SSNA1: variants seen among roughly 807,000 people sequenced by gnomAD.
The protein encoded by SSNA1 is microtubule nucleation factor SSNA1.
SSNA1 carries 13 observed loss-of-function variants against 13.3 expected under a neutral mutation model. The ratio of observed to expected loss-of-function variants is 0.97; its 90% CI spans 0.63 to 1.55. The LOEUF (loss-of-function observed/expected upper bound fraction) is 1.55, where lower values mean the gene tolerates loss of function less well. SSNA1 is among the 40% of genes most tolerant of loss of function. The pLI, the probability that SSNA1 is intolerant of heterozygous loss-of-function variation, is 0.00. For missense variants in SSNA1, 186 were observed against 152.7 expected, an observed-to-expected ratio of 1.22 and a Z score of -1.15; for synonymous variants, 89 against 65.9, an observed-to-expected ratio of 1.35 and a Z score of -1.70.
At chr9:137,189,449 G>T (rs1438770360) in intron 2 of SSNA1, among the ~76,000 whole-genome samples, 184 bp downstream of exon 2, 1 of 152,248 alleles carries the variant, frequency 6.6e-6, no homozygotes, top group Non-Finnish European at 1.5e-5. Flanking sequence ...GTGACTGTGG[G>T]GCTGTCTGTG....
chr9:137,189,886 A>G lies in SSNA1; in HGVS notation c.332A>G (p.Gln111Arg). The change falls in exon 3 of 3, where the codon CAG (glutamine) becomes CGG (arginine). Residue 111 changes from glutamine (Q) to arginine (R), a missense_variant. Gln to Arg is a conservative substitution (Grantham distance 43). Transcript: ENST00000322310. ...CTGACCAAGGCTACAGCCCCAGACC[A>G]GAAAAGTAGCGGCGGCAGGGACAGC... ...GNLTKATAPDQKSSGGRDS is the reference protein window; with the variant it reads ...GNLTKATAPDRKSSGGRDS 2 of 1,613,908 alleles carry G rather than the reference A, an allele frequency of 1.2e-6. No homozygotes were observed. The highest frequency in any genetic ancestry group is 1.6e-4 in the Middle Eastern group (1 of 6,062).
chr9:137,188,872 G>A (rs1358918008), intron 1 of SSNA1, 94 bp downstream of exon 1: 6 of 1,392,042 alleles, frequency 4.3e-6, no homozygotes, highest in Non-Finnish European at 5.6e-6. Flanking sequence ...CTCGCTGCGG[G>A]CATCGCGCGG....
At chr9:137,189,699 G>A (rs1588769250) in intron 2 of SSNA1, 108 bp from the exon 3 acceptor site, 1 of 1,012,186 alleles carries the variant, frequency 9.9e-7, no homozygotes, top group Non-Finnish European at 1.5e-6. Flanking sequence ...GGATCCCTTG[G>A]CTACAGCACC....
In SSNA1 at chr9:137,190,115, C is replaced by G. The variant is rs1834581594; in HGVS notation, c.*201C>G. On this transcript the variant is annotated 3_prime_UTR_variant, in exon 3 of 3. Coordinates refer to ENST00000322310, the MANE Select transcript of SSNA1 (RefSeq NM_003731.3). ...CCCGGGGGTCCTCGCTTCATGCTCA[C>G]ACAGGCTATGGGGATGGTGGGCTCC... The G allele has an allele frequency of 3.5e-6, 2 of 565,784 alleles. No individual in the cohort carries two copies. The highest frequency in any genetic ancestry group is 3.9e-5 in the South Asian group (2 of 51,052). 35.0% of individuals were successfully genotyped at this position (565,784 alleles called of 1,614,324 possible).
chr9:137,189,329 AG>A, intron 2 of SSNA1, 64 bp downstream of exon 2: 1 of 1,582,386 alleles, frequency 6.3e-7, no homozygotes, highest in South Asian at 1.1e-5. Context: ...TGCCACGGCA[AG>A]GCGTCAGGAC....
Position 137,190,000 on chromosome 9 carries a change from C to G in SSNA1, c.*86C>G. ...CTCAGAGCATCTTTGTTCTTCACGG[C>G]AGCAGCTACCTTCCCTCACTGTCTC... On this transcript the variant is annotated 3_prime_UTR_variant, in exon 3 of 3. Transcript: ENST00000322310. The G allele has an allele frequency of 2.5e-6, 3 of 1,185,838 alleles. No homozygotes were observed. Among genetic ancestry groups the G allele is most frequent in the Non-Finnish European group, 3.7e-6 (3 of 818,236 alleles). The allele number at this position is 1,185,838 out of a possible 1,614,324, so 73.5% of individuals were successfully genotyped here.
At position 137,189,048 on chromosome 9, in the gene SSNA1, G is replaced by C. The variant is rs752287415; in HGVS notation, c.53-18G>C. On this transcript the variant is annotated intron_variant, in intron 1 of 2. Transcript: ENST00000322310. ...GCTCCTGCCCTGGGCCCACAGCGCC[G>C]CCCCTCCCGGCCCCCAGGCATAGAG... is the stretch of plus-strand genomic sequence containing the variant. The C allele has an allele frequency of 5.1e-5, 79 of 1,552,410 alleles. No homozygotes were observed. Among genetic ancestry groups the C allele is most frequent in the Non-Finnish European group, 6.9e-5 (79 of 1,147,664 alleles).
At chr9:137,189,409 GC>G in intron 2 of SSNA1, 144 bp downstream of exon 2, 1 of 958,240 alleles carries the variant, frequency 1.0e-6, no homozygotes, top group Non-Finnish European at 1.6e-6. Context: ...GCGTGGCCAG[GC>G]CCATTGAGGA....
In SSNA1 at chr9:137,189,105, G is replaced by T. The variant is rs781377742; in HGVS notation, c.92G>T (p.Arg31Leu). 3 of 1,596,826 alleles carry T rather than the reference G, an allele frequency of 1.9e-6. No homozygotes were observed. Among genetic ancestry groups the T allele is most frequent in the Non-Finnish European group, 1.7e-6 (2 of 1,171,834 alleles). The change falls in exon 2 of 3, where the codon CGG (arginine) becomes CTG (leucine). Residue 31 changes from arginine to leucine, a missense_variant. By Grantham distance (102) the Arg-to-Leu change is moderately radical. Coordinates refer to ENST00000322310, the MANE Select transcript of SSNA1 (RefSeq NM_003731.3). The part of the protein sequence containing the change: ...ELCQKREELC[R>L]QIQEEEDEKQ... Reference sequence around the variant, plus strand: ...TGCCAGAAGCGGGAGGAGCTGTGCCGGCAGATCCAGGAGGAGGAGGACGAG... The same window carrying T: ...TGCCAGAAGCGGGAGGAGCTGTGCCTGCAGATCCAGGAGGAGGAGGACGAG...
chr9:137,190,246 C>G lies in SSNA1; in HGVS notation c.*332C>G. The G allele has an allele frequency of 3.0e-6, 1 of 329,486 alleles. No individual in the cohort carries two copies. Among genetic ancestry groups the G allele is most frequent in the South Asian group, 3.3e-5 (1 of 30,564 alleles). The allele number at this position is 329,486 out of a possible 1,614,324, so 20.4% of individuals were successfully genotyped here. On this transcript the variant is annotated 3_prime_UTR_variant, in exon 3 of 3. Coordinates refer to ENST00000322310, the MANE Select transcript of SSNA1 (RefSeq NM_003731.3). ...TGGGGGCCCCCTCACCTTGTCCCTC[C>G]TCAGCCAGCAGAGGCCCAGGGCAAG...
chr9:137,189,101 T>G lies in SSNA1; in HGVS notation c.88T>G (p.Cys30Gly). ...EELCQKREELCRQIQEEEDEK... is the reference protein window; with the variant it reads ...EELCQKREELGRQIQEEEDEK... ...GCTGTGCCAGAAGCGGGAGGAGCTG[T>G]GCCGGCAGATCCAGGAGGAGGAGGA... is the stretch of plus-strand genomic sequence containing the variant. Residue 30 changes from cysteine to glycine, a missense_variant, in exon 2 of 3, where the codon TGC (cysteine) becomes GGC (glycine). Coordinates refer to ENST00000322310, the MANE Select transcript of SSNA1 (RefSeq NM_003731.3). 1.3e-6 allele frequency: 2 copies of G among 1,594,876 alleles called. No homozygotes were observed. The highest frequency in any genetic ancestry group is 1.7e-6 in the Non-Finnish European group (2 of 1,170,434).
chr9:137,188,805 G>T, intron 1 of SSNA1, 27 bp downstream of exon 1: 1 of 1,554,634 alleles, frequency 6.4e-7, no homozygotes. Flanking sequence ...GGACGGGGAG[G>T]TCGGGAGGGC....
At chr9:137,188,960 G>A (rs1834548512) in intron 1 of SSNA1, 106 bp from the exon 2 acceptor site, 1 of 1,387,410 alleles carries the variant, frequency 7.2e-7, no homozygotes, top group Admixed American at 2.6e-5. Context: ...CGCGCCGGGC[G>A]CTCGGGGGTG....
At chr9:137,189,300 A>C in intron 2 of SSNA1, 35 bp downstream of exon 2, 1 of 1,610,026 alleles carries the variant, frequency 6.2e-7, no homozygotes, top group Non-Finnish European at 8.5e-7. Context: ...GCATCAGGGG[A>C]TAGGCACGGC....
intron 1 of SSNA1, 132 bp from the exon 2 acceptor site, chr9:137,188,934 G>A: frequency 7.5e-7 from 1 of 1,329,832 alleles, no homozygotes. Flanking sequence ...CCGAGCCCTC[G>A]CTGGCTCGCA....
intron 1 of SSNA1, 135 bp downstream of exon 1, chr9:137,188,913 G>GT: frequency 8.4e-6 from 11 of 1,316,308 alleles, no homozygotes; most frequent in Non-Finnish European, 8.9e-6. Context: ...CGGAGGCCGG[G>GT]TGTCCGTGGC....
rs531967327 is a variant in SSNA1 at position 137,189,127 on chromosome 9, C to A, written c.114C>A (p.Asp38Glu). The stretch of plus-strand genomic sequence containing the variant: ...GCCGGCAGATCCAGGAGGAGGAGGA[C>A]GAGAAGCAGCGGCTGCAGAATGAGG... ...ELCRQIQEEE[D>E]EKQRLQNEVR... The change falls in exon 2 of 3, where the codon GAC (aspartate) becomes GAA (glutamate). Residue 38 changes from aspartate to glutamate, a missense_variant. By Grantham distance (45) the Asp-to-Glu change is conservative (BLOSUM62 2). Transcript: ENST00000322310. 5.0e-6 allele frequency: 8 copies of A among 1,607,778 alleles called. No homozygotes were observed. In the Admixed American group the frequency reaches 1.3e-4, roughly 27 times the overall value.
In SSNA1 at chr9:137,190,093, G is replaced by A. The variant is rs757523578; in HGVS notation, c.*179G>A. The A allele has an allele frequency of 5.5e-4, 327 of 597,814 alleles. 1 individual carries two copies. The Middle Eastern group carries it at 6.3e-3, about 11-fold the overall frequency. 37.0% of individuals were successfully genotyped at this position (597,814 alleles called of 1,614,324 possible). On this transcript the variant is annotated 3_prime_UTR_variant, in exon 3 of 3. Coordinates refer to ENST00000322310, the MANE Select transcript of SSNA1 (RefSeq NM_003731.3). The stretch of plus-strand genomic sequence containing the variant: ...GACAAGCCCAGGGCACAGCCCACCC[G>A]GGGGTCCTCGCTTCATGCTCACACA...
In SSNA1 at chr9:137,188,765, C is replaced by A; in HGVS notation, c.39C>A (p.Asn13Lys). 6.3e-7 allele frequency: 1 copy of A among 1,583,988 alleles called. No individual in the cohort carries two copies. The highest frequency in any genetic ancestry group is 8.5e-7 in the Non-Finnish European group (1 of 1,172,500). The change falls in exon 1 of 3, where the codon AAC becomes AAA. Residue 13 changes from asparagine (N) to lysine (K), a missense_variant. By Grantham distance (94) the Asn-to-Lys change is moderately conservative. Transcript: ENST00000322310. ...QQGAALQNYNNELVKCIEELC... is the reference protein window; with the variant it reads ...QQGAALQNYNKELVKCIEELC... ...GCGCGGCGCTGCAGAACTACAACAA[C>A]GAGCTGGTCAAGTGTGAGCGGCGCA...
Sources: gnomAD v4.1 joint callset for allele counts (sites outside exome capture counted in the v4.1 genomes callset) on GRCh38, gnomAD v4.1.1 for gene constraint, MANE v1.5 for transcripts, NCBI Gene and HGNC (gene_info 2026-07-23, HGNC 2026-07-21) for gene names.